The following ANKRD36B variants were observed in gnomAD, a reference collection of about 807,000 sequenced individuals.
ANKRD36B encodes the protein ankyrin repeat domain-containing protein 36B.
In ANKRD36B, 37 loss-of-function variants were observed where a neutral mutation model predicts 135.7. The observed-to-expected ratio is 0.27, with a 90% confidence interval of 0.21 to 0.36. The LOEUF is 0.36. Among genes scored for constraint, ANKRD36B ranks in the 10% least tolerant of loss-of-function variants. The pLI is 1.00. For missense variants in ANKRD36B, 549 were observed against 1,037.1 expected (o/e 0.53, Z 6.46); for synonymous variants, 179 against 348.1 (o/e 0.51, Z 5.41).
intron 6 of ANKRD36B, among the ~76,000 whole-genome samples, chr2:97,574,869 C>A (rs1465080511): frequency 1.3e-5 from 2 of 151,966 alleles, no homozygotes; most frequent in African/African-American, 4.8e-5. Flanking sequence ...ACTCAGAAGT[C>A]AAGACCATTT....
chr2:97,585,755 T>C (rs2082935644), intron 1 of ANKRD36B, among the ~76,000 whole-genome samples: 1 of 152,232 alleles, frequency 6.6e-6, no homozygotes, highest in Admixed American at 6.5e-5. Context: ...GAACACTTTC[T>C]AACACAAATA....
At chr2:97,547,946 G>C (rs11683920) in intron 20 of ANKRD36B, among the ~76,000 whole-genome samples, 1,689 of 151,602 alleles carry the variant, frequency 0.011, 40 homozygotes, top group African/African-American at 0.037. Context: ...ATTTCAAACA[G>C]GGTATGATTT....
intron 6 of ANKRD36B, among the ~76,000 whole-genome samples, chr2:97,569,230 C>A (rs2081653992): frequency 6.6e-6 from 1 of 152,020 alleles, no homozygotes; most frequent in Admixed American, 6.6e-5. Context: ...GCCATTAAAT[C>A]CTACATTAAT....
At position 97,541,583 on chromosome 2, in the gene ANKRD36B, T is replaced by C. The variant is rs2079152514; in HGVS notation, c.1885+328A>G. The stretch of plus-strand genomic sequence containing the variant: ...ATCTGACGCCTATAATATCTATTAC[T>C]TCATCTCTTTCTCCTTCCCCTCTTG... On this transcript the variant is annotated intron_variant, in intron 28 of 43. Coordinates refer to ENST00000359901, the MANE Select transcript of ANKRD36B (RefSeq NM_001393939.1). 2.1e-5 allele frequency among the ~76,000 whole-genome samples: 2 copies of C among 96,048 alleles called. 1 individual carries two copies. Among genetic ancestry groups the C allele is most frequent in the African/African-American group, 6.2e-5 (2 of 32,068 alleles). 63.0% of individuals were successfully genotyped at this position (96,048 alleles called of 152,430 possible).
At chr2:97,555,800 C>A (rs147873885) in intron 12 of ANKRD36B, among the ~76,000 whole-genome samples, 459 of 151,928 alleles carry the variant, frequency 3.0e-3, no homozygotes, top group African/African-American at 0.011. Flanking sequence ...TTGGTGAATC[C>A]TAGTAGATAG....
intron 16 of ANKRD36B, among the ~76,000 whole-genome samples, chr2:97,552,498 A>G (rs1441368249): frequency 1.3e-5 from 2 of 151,942 alleles, no homozygotes; most frequent in Non-Finnish European, 2.9e-5. Context: ...AATAGTAACA[A>G]AAAGGAGTAA....
In ANKRD36B at chr2:97,530,286, G is replaced by A. The variant is rs1423501648; in HGVS notation, c.2265+2025C>T. Among the ~76,000 whole-genome samples, 2 of 95,204 alleles carry A rather than the reference G, an allele frequency of 2.1e-5. 1 individual carries two copies. The highest frequency in any genetic ancestry group is 4.6e-4 in the East Asian group (2 of 4,356). The allele number at this position is 95,204 out of a possible 152,430, so 62.5% of individuals were successfully genotyped here. On this transcript the variant is annotated intron_variant, in intron 35 of 43. Coordinates refer to ENST00000359901, the MANE Select transcript of ANKRD36B (RefSeq NM_001393939.1). Reference sequence around the variant, plus strand: ...ACTATCTGATCTTTGACAACCCTGAGAAAAACAAGCAACGGGGAAAGGATT... The same window carrying A: ...ACTATCTGATCTTTGACAACCCTGAAAAAAACAAGCAACGGGGAAAGGATT...
At chr2:97,582,684 T>C (rs1325368793) in intron 3 of ANKRD36B, among the ~76,000 whole-genome samples, 2 of 152,192 alleles carry the variant, frequency 1.3e-5, no homozygotes, top group Non-Finnish European at 2.9e-5. Context: ...CTTGTATTTT[T>C]ATATTTGCTA....
At position 97,555,086 on chromosome 2, in the gene ANKRD36B, A is replaced by C. The variant is rs907248717; in HGVS notation, c.1145T>G (p.Ile382Arg). The change falls in exon 14 of 44, where the codon ATA becomes AGA. Residue 382 changes from isoleucine (I) to arginine (R), a missense_variant. By Grantham distance (97) the Ile-to-Arg change is moderately conservative (BLOSUM62 -3). Transcript: ENST00000359901. ...TDSALNTATE[I>R]KDGLQCGTVS... ...TGTCCCACATTGTAGTCCATCCTTTATTTCTGTAGCTGTATTCAAAGCAGA... is the reference window on the plus strand; with the variant it reads ...TGTCCCACATTGTAGTCCATCCTTTCTTTCTGTAGCTGTATTCAAAGCAGA... The C allele has an allele frequency of 6.2e-7, 1 of 1,611,750 alleles. No homozygotes were observed. The highest frequency in any genetic ancestry group is 1.3e-5 in the African/African-American group (1 of 74,744).
intron 30 of ANKRD36B, among the ~76,000 whole-genome samples, chr2:97,539,338 A>G (rs2079036754): frequency 1.0e-5 from 1 of 96,880 alleles, no homozygotes; most frequent in South Asian, 2.3e-4. Flanking sequence ...TGAATAACTA[A>G]TATCAACAAA....
At chr2:97,546,407 T>G (rs754302112) in intron 22 of ANKRD36B, among the ~76,000 whole-genome samples, 7 of 151,774 alleles carry the variant, frequency 4.6e-5, no homozygotes, top group Non-Finnish European at 1.0e-4. Flanking sequence ...ATCTGCTTGC[T>G]GATACCTAGT....
At chr2:97,546,377 C>G (rs2079464369) in intron 22 of ANKRD36B, among the ~76,000 whole-genome samples, 1 of 151,676 alleles carries the variant, frequency 6.6e-6, no homozygotes, top group African/African-American at 2.4e-5. Context: ...TGGAAGTGTC[C>G]TAAATTGATC....
At position 97,555,440 on chromosome 2, in the gene ANKRD36B, C is replaced by T. The variant is rs569602888; in HGVS notation, c.1070-186G>A. Among the ~76,000 whole-genome samples the T allele has an allele frequency of 9.2e-5, 14 of 151,852 alleles. 1 individual carries two copies. The East Asian group carries it at 9.8e-4, about 11-fold the overall frequency. On this transcript the variant is annotated intron_variant, in intron 12 of 43. Coordinates refer to ENST00000359901, the MANE Select transcript of ANKRD36B (RefSeq NM_001393939.1). The stretch of plus-strand genomic sequence containing the variant: ...AAAAAGAAATACAGGTTTCACAAAA[C>T]AAACCCTTACAATGTCAATCATGGT...
At position 97,533,343 on chromosome 2, in the gene ANKRD36B, A is replaced by T. The variant is rs1195680341; in HGVS notation, c.2192-959T>A. Among the ~76,000 whole-genome samples the T allele has an allele frequency of 2.1e-5, 2 of 97,376 alleles. 1 individual carries two copies. Among genetic ancestry groups the T allele is most frequent in the East Asian group, 4.6e-4 (2 of 4,340 alleles). The allele number at this position is 97,376 out of a possible 152,430, so 63.9% of individuals were successfully genotyped here. ...AGAAGAGTGTATCTATTTCAATGTA[A>T]ACATGTTGACTGATAATGAGAAAAA... On this transcript the variant is annotated intron_variant, in intron 34 of 43. Coordinates refer to ENST00000359901, the MANE Select transcript of ANKRD36B (RefSeq NM_001393939.1).
At position 97,525,561 on chromosome 2, in the gene ANKRD36B, G is replaced by A. The variant is rs998269111; in HGVS notation, c.2266-2094C>T. 4.2e-5 allele frequency among the ~76,000 whole-genome samples: 4 copies of A among 96,062 alleles called. 1 individual carries two copies. The highest frequency in any genetic ancestry group is 1.1e-4 in the Non-Finnish European group (4 of 36,078). 63.0% of individuals were successfully genotyped at this position (96,062 alleles called of 152,430 possible). ...TGCCAGACAGTGGGTGCAGGATAGT[G>A]GGTGCAGTGCACTGTGCATGACCTG... On this transcript the variant is annotated intron_variant, in intron 35 of 43. Coordinates refer to ENST00000359901, the MANE Select transcript of ANKRD36B (RefSeq NM_001393939.1).
chr2:97,588,907 C>CAT (rs1185713822), intron 1 of ANKRD36B, among the ~76,000 whole-genome samples: 3 of 110,948 alleles, frequency 2.7e-5, no homozygotes, highest in Non-Finnish European at 3.7e-5. Flanking sequence ...AAAAATAAAA[C>CAT]GCTGTACATG....
chr2:97,496,783 GTGTT>G (rs2077310981), intron 43 of ANKRD36B, among the ~76,000 whole-genome samples: 1 of 83,172 alleles, frequency 1.2e-5, no homozygotes, highest in South Asian at 2.3e-4. Flanking sequence ...GTGTGTGTGT[GTGTT>G]TGTGTGTGTG....
At position 97,552,863 on chromosome 2, in the gene ANKRD36B, G is replaced by C. The variant is rs59824983; in HGVS notation, c.1273+305C>G. ...CTCCTTCCACCCTTAGTGAAACCAT[G>C]CTGTAGAATTAAAGCAAAACTATGC... On this transcript the variant is annotated intron_variant, in intron 16 of 43. Transcript: ENST00000359901. 3.1e-4 allele frequency among the ~76,000 whole-genome samples: 47 copies of C among 152,010 alleles called. No homozygotes were observed. The East Asian group carries it at 9.2e-3, about 30-fold the overall frequency.
rs1010289307 is a variant in ANKRD36B, at chr2:97,496,859, A to C, written c.*7-4004T>G. 3.1e-4 allele frequency among the ~76,000 whole-genome samples: 21 copies of C among 68,464 alleles called. 5 individuals carry two copies. Among genetic ancestry groups the C allele is most frequent in the Middle Eastern group, 0.012 (2 of 170 alleles). The allele number at this position is 68,464 out of a possible 152,430, so 44.9% of individuals were successfully genotyped here. A position where few individuals can be genotyped will look rare whatever the true frequency, so the allele number is the denominator to read the frequency against. On this transcript the variant is annotated intron_variant, in intron 43 of 43. Coordinates refer to ENST00000359901, the MANE Select transcript of ANKRD36B (RefSeq NM_001393939.1). ...TATATATATATATATATATATATAT[A>C]TCTTTTAAAATATTACTGCTCATTG...
Sources: gnomAD v4.1 joint callset for allele counts (sites outside exome capture counted in the v4.1 genomes callset) on GRCh38, gnomAD v4.1.1 for gene constraint, MANE v1.5 for transcripts, NCBI Gene and HGNC (gene_info 2026-07-23, HGNC 2026-07-21) for gene names.